The following JMJD1C variants were observed in gnomAD, a reference collection of about 807,000 sequenced individuals.
The protein encoded by JMJD1C is jumonji domain-containing protein 1C.
Under a neutral mutation model 245.3 loss-of-function variants are expected in JMJD1C, and 31 were observed. The ratio of observed to expected loss-of-function variants is 0.13; its 90% CI spans 0.09 to 0.17. The LOEUF is 0.17. Ranked by LOEUF, JMJD1C falls within the 10% of genes least tolerant of loss-of-function variation. The probability of loss-of-function intolerance (pLI) is 1.00; values close to 1 mark genes in which losing one functional copy is unlikely to be tolerated. For missense variants in JMJD1C, 2,691 were observed against 3,000.2 expected, an observed-to-expected ratio of 0.90 and a Z score of 2.41; for synonymous variants, 1,057 against 1,017.4, an observed-to-expected ratio of 1.04 and a Z score of -0.74.
chr10:63,253,410 G>A lies in JMJD1C; in HGVS notation c.447+11241C>T, dbSNP rs1229198883. On this transcript the variant is annotated intron_variant, in intron 3 of 25. Transcript: ENST00000399262. ...ACCTTTTTTTTTTTTTTGAGACGAA[G>A]TCTTGCTCTGTCGCCCAGGCTGTAG... Among the ~76,000 whole-genome samples the A allele has an allele frequency of 8.7e-5, 13 of 149,944 alleles. No individual in the cohort carries two copies. In the East Asian group the frequency reaches 2.4e-3, roughly 27 times the overall value.
At chr10:63,378,914 G>A (rs1260671741) in intron 2 of JMJD1C, among the ~76,000 whole-genome samples, 1 of 151,932 alleles carries the variant, frequency 6.6e-6, no homozygotes, top group African/African-American at 2.4e-5. Context: ...TCTTTAGTTT[G>A]CTATGCAAAA....
chr10:63,273,779 T>C (rs1284851950), intron 2 of JMJD1C, among the ~76,000 whole-genome samples: 3 of 152,278 alleles, frequency 2.0e-5, no homozygotes, highest in Admixed American at 6.5e-5. Context: ...AGTTGGTTTC[T>C]AGGTTACAAG....
At position 63,250,899 on chromosome 10, in the gene JMJD1C, T is replaced by G. The variant is rs556170035; in HGVS notation, c.447+13752A>C. ...GGGACTACAGGTGCATGGCACCACA[T>G]GTGGCTAAATTTTTATTTTTATTTT... On this transcript the variant is annotated intron_variant, in intron 3 of 25. Coordinates refer to ENST00000399262, the MANE Select transcript of JMJD1C (RefSeq NM_032776.3). 7.2e-4 allele frequency among the ~76,000 whole-genome samples: 110 copies of G among 152,178 alleles called. 2 individuals are homozygous for G. In the South Asian group the frequency reaches 0.022, roughly 31 times the overall value.
intron 1 of JMJD1C, among the ~76,000 whole-genome samples, chr10:63,471,108 T>C (rs1953480036): frequency 6.6e-6 from 1 of 152,154 alleles, no homozygotes; most frequent in African/African-American, 2.4e-5. Context: ...TTAACTACCA[T>C]TAAAATATGC....
intron 2 of JMJD1C, among the ~76,000 whole-genome samples, chr10:63,353,406 G>A (rs1163557730): frequency 6.6e-6 from 1 of 152,224 alleles, no homozygotes; most frequent in Non-Finnish European, 1.5e-5. Context: ...TACTACTAAT[G>A]TGAAGATGCT....
At chr10:63,449,472 G>A (rs1246816020) in intron 1 of JMJD1C, among the ~76,000 whole-genome samples, 3 of 151,798 alleles carry the variant, frequency 2.0e-5, no homozygotes, top group Non-Finnish European at 4.4e-5. Context: ...TTAAGCCTAT[G>A]AATGAAAAAA....
intron 1 of JMJD1C, among the ~76,000 whole-genome samples, chr10:63,448,994 G>C (rs1444315346): frequency 6.6e-6 from 1 of 151,962 alleles, no homozygotes; most frequent in Non-Finnish European, 1.5e-5. Flanking sequence ...GCGTGTGCCT[G>C]TAATTCCAGC....
Position 63,177,785 on chromosome 10 carries a change from T to C in JMJD1C, c.7156A>G (p.Ile2386Val). ...TAAATATGCCACAGAGCACCAGGTA[T>C]TTCACTTGAGTCCTTCAATCTTTTC... The part of the protein sequence containing the change: ...LRKRLKDSSE[I>V]PGALWHIYAG... Residue 2386 changes from isoleucine (I) to valine (V), a missense_variant, in exon 23 of 26, where the codon ATA (isoleucine) becomes GTA (valine). By Grantham distance (29) the Ile-to-Val change is conservative. Coordinates refer to ENST00000399262, the MANE Select transcript of JMJD1C (RefSeq NM_032776.3). The C allele has an allele frequency of 6.2e-7, 1 of 1,613,942 alleles. No homozygotes were observed. The highest frequency in any genetic ancestry group is 8.5e-7 in the Non-Finnish European group (1 of 1,179,826).
intron 2 of JMJD1C, among the ~76,000 whole-genome samples, chr10:63,268,349 G>A (rs1482215532): frequency 6.6e-6 from 1 of 150,984 alleles, no homozygotes; most frequent in Non-Finnish European, 1.5e-5. Context: ...GTGGGGAAGG[G>A]AATAACCAAA....
chr10:63,406,606 C>G (rs1055837344), intron 1 of JMJD1C, among the ~76,000 whole-genome samples: 6 of 84,410 alleles, frequency 7.1e-5, no homozygotes, highest in Non-Finnish European at 1.9e-4. Flanking sequence ...TTTAGGTAGG[C>G]TAGTATAACT....
At position 63,305,374 on chromosome 10, in the gene JMJD1C, AAACAAAAAAC is replaced by A. The variant is rs1216438673; in HGVS notation, c.334-40620_334-40611del. Among the ~76,000 whole-genome samples, 7 of 87,058 alleles carry A rather than the reference AAACAAAAAAC, an allele frequency of 8.0e-5. 2 individuals are homozygous for A. Among genetic ancestry groups the A allele is most frequent in the Non-Finnish European group, 9.8e-5 (3 of 30,520 alleles). The allele number at this position is 87,058 out of a possible 152,430, so 57.1% of individuals were successfully genotyped here. A position where few individuals can be genotyped will look rare whatever the true frequency, so the allele number is the denominator to read the frequency against. Reference sequence around the variant, plus strand: ...GGAGCAAGACTCCACCTCAAAAAAAAAACAAAAAACAAAAAAGGTTGCAGTGAGCTCTAAT... The same window carrying A: ...GGAGCAAGACTCCACCTCAAAAAAAAAAAAAAGGTTGCAGTGAGCTCTAAT... On this transcript the variant is annotated intron_variant, in intron 2 of 25. Transcript: ENST00000399262.
chr10:63,472,849 T>C (rs1055448696), intron 1 of JMJD1C, among the ~76,000 whole-genome samples: 5 of 152,094 alleles, frequency 3.3e-5, no homozygotes, highest in African/African-American at 7.2e-5. Context: ...AGTGGCGCGA[T>C]CATAGGATCA....
intron 3 of JMJD1C, among the ~76,000 whole-genome samples, chr10:63,230,889 T>C (rs962092158): frequency 1.3e-5 from 2 of 152,108 alleles, no homozygotes; most frequent in Non-Finnish European, 2.9e-5. Flanking sequence ...TAATGCAATG[T>C]TATTTCAAAA....
chr10:63,482,179 A>AT (rs1953851489), intron 1 of JMJD1C, among the ~76,000 whole-genome samples: 1 of 152,200 alleles, frequency 6.6e-6, no homozygotes, highest in South Asian at 2.1e-4. Context: ...AATTGGTTTC[A>AT]TTATACATTG....
At chr10:63,500,136 G>C (rs1236616839) in intron 1 of JMJD1C, among the ~76,000 whole-genome samples, 2 of 152,164 alleles carry the variant, frequency 1.3e-5, no homozygotes, top group African/African-American at 4.8e-5. Flanking sequence ...ATGTTTAACT[G>C]TAAGGCCAGG....
chr10:63,425,367 G>A (rs1292813129), intron 1 of JMJD1C, among the ~76,000 whole-genome samples: 2 of 152,150 alleles, frequency 1.3e-5, no homozygotes, highest in African/African-American at 4.8e-5. Context: ...TGGTAGTTTA[G>A]ATCTTATGAG....
rs192738066 is a variant in JMJD1C, at chr10:63,428,133, A to G, written c.168+37362T>C. ...CATCATAGATTTTATGAAGGAATTC[A>G]TATGAGAGGAGGGGACTAAAAAAAC... On this transcript the variant is annotated intron_variant, in intron 1 of 25. Transcript: ENST00000399262. Among the ~76,000 whole-genome samples the G allele has an allele frequency of 5.9e-5, 9 of 152,352 alleles. No homozygotes were observed. In the East Asian group the frequency reaches 1.7e-3, roughly 29 times the overall value.
chr10:63,326,342 CT>C (rs1002566235), intron 2 of JMJD1C, among the ~76,000 whole-genome samples: 1 of 149,738 alleles, frequency 6.7e-6, no homozygotes, highest in African/African-American at 2.5e-5. Context: ...TCAAAATACA[CT>C]GTACTCCAGC....
At chr10:63,429,449 C>A (rs1341155574) in intron 1 of JMJD1C, among the ~76,000 whole-genome samples, 1 of 152,154 alleles carries the variant, frequency 6.6e-6, no homozygotes, top group Admixed American at 6.5e-5. Context: ...TTTCTCACAA[C>A]TCATTTATTG....
Sources: gnomAD v4.1 joint callset for allele counts (sites outside exome capture counted in the v4.1 genomes callset) on GRCh38, gnomAD v4.1.1 for gene constraint, MANE v1.5 for transcripts, NCBI Gene and HGNC (gene_info 2026-07-23, HGNC 2026-07-21) for gene names.